Variants in MCTP1 observed in about 807,000 individuals in gnomAD.
MCTP1 encodes multiple C2 and transmembrane domain containing 1.
A neutral mutation model predicts 120.6 loss-of-function variants in MCTP1; 69 were observed. The observed-to-expected ratio is 0.57, with a 90% CI of 0.47 to 0.70. MCTP1 has a LOEUF of 0.70. MCTP1 is among the 30% of genes least tolerant of loss of function. MCTP1 has a pLI of 0.00. For synonymous variants in MCTP1, 529 were observed against 493.1 expected (o/e 1.07, Z -0.96); for missense variants, 1,203 against 1,248.8 (o/e 0.96, Z 0.55).
chr5:94,893,047 T>C (rs772095197), intron 11 of MCTP1, among the ~76,000 whole-genome samples: 3 of 152,204 alleles, frequency 2.0e-5, no homozygotes, highest in African/African-American at 7.2e-5. Context: ...TATTTAAACA[T>C]AGTTCATTTT....
At chr5:94,804,501 C>T (rs768255709) in intron 17 of MCTP1, among the ~76,000 whole-genome samples, 4 of 151,988 alleles carry the variant, frequency 2.6e-5, no homozygotes, top group Non-Finnish European at 4.4e-5. Flanking sequence ...TGCAGTGGCG[C>T]GATGTCGGCT....
At chr5:94,862,437 C>G (rs1275211522) in intron 17 of MCTP1, among the ~76,000 whole-genome samples, 8 of 151,804 alleles carry the variant, frequency 5.3e-5, no homozygotes, top group Non-Finnish European at 1.2e-4. Flanking sequence ...GAATGAAGCA[C>G]TGATTTGAGC....
At chr5:95,236,021 G>A (rs994441049) in intron 1 of MCTP1, among the ~76,000 whole-genome samples, 1 of 152,170 alleles carries the variant, frequency 6.6e-6, no homozygotes, top group Non-Finnish European at 1.5e-5. Context: ...GGATCTGTAT[G>A]TTTAACAAGC....
At chr5:94,940,964 T>C (rs1434061274) in intron 4 of MCTP1, among the ~76,000 whole-genome samples, 1 of 151,868 alleles carries the variant, frequency 6.6e-6, no homozygotes, top group African/African-American at 2.4e-5. Context: ...ATTAGATGTT[T>C]ATGTGGTTTT....
intron 2 of MCTP1, among the ~76,000 whole-genome samples, chr5:94,954,183 C>CATATATATACATGTATATATATGCATAT (rs1821905682): frequency 3.1e-4 from 18 of 57,764 alleles, no homozygotes; most frequent in South Asian, 1.6e-3. Flanking sequence ...TATATATATG[C>CATATATATACATGTATATATATGCATAT]ATATATATAT....
intron 1 of MCTP1, among the ~76,000 whole-genome samples, chr5:95,175,668 G>T (rs1015421254): frequency 6.6e-6 from 1 of 152,128 alleles, no homozygotes; most frequent in Non-Finnish European, 1.5e-5. Context: ...CTTATGGGTA[G>T]GTCCAGATTT....
chr5:94,827,914 C>T (rs113649729), intron 17 of MCTP1, among the ~76,000 whole-genome samples: 3 of 152,102 alleles, frequency 2.0e-5, no homozygotes, highest in African/African-American at 4.8e-5. Flanking sequence ...TTAGAACATG[C>T]TCCTTTAGTT....
intron 5 of MCTP1, among the ~76,000 whole-genome samples, chr5:94,932,698 A>C (rs1815110832): frequency 6.6e-6 from 1 of 151,968 alleles, no homozygotes; most frequent in African/African-American, 2.4e-5. Context: ...TTCACTTTAA[A>C]AAATTTCTCA....
chr5:94,759,231 T>A (rs540993093), intron 19 of MCTP1, among the ~76,000 whole-genome samples: 1 of 152,244 alleles, frequency 6.6e-6, no homozygotes, highest in South Asian at 2.1e-4. Context: ...ATTCCATTAA[T>A]TCCCGAGAAA....
rs528279477 is a variant in MCTP1, at chr5:95,072,054, T to G, written c.721-54570A>C. 1.0e-4 allele frequency among the ~76,000 whole-genome samples: 15 copies of G among 150,460 alleles called. No homozygotes were observed. In the South Asian group the frequency reaches 3.2e-3, roughly 32 times the overall value. ...TTTCTTAACTATTAGATTTCTCAGATTCTAATATGAAACAATGCCAATTTT... is the reference window on the plus strand; with the variant it reads ...TTTCTTAACTATTAGATTTCTCAGAGTCTAATATGAAACAATGCCAATTTT... On this transcript the variant is annotated intron_variant, in intron 1 of 22. Coordinates refer to ENST00000515393, the MANE Select transcript of MCTP1 (RefSeq NM_024717.7).
At chr5:95,127,689 C>T (rs765701719) in intron 1 of MCTP1, among the ~76,000 whole-genome samples, 9 of 152,114 alleles carry the variant, frequency 5.9e-5, no homozygotes, top group South Asian at 2.1e-4. Context: ...AAACATCCAA[C>T]GAGAGTGAGT....
chr5:95,141,943 A>G (rs1488764328), intron 1 of MCTP1, among the ~76,000 whole-genome samples: 1 of 152,196 alleles, frequency 6.6e-6, no homozygotes, highest in Non-Finnish European at 1.5e-5. Flanking sequence ...TTTACTTACT[A>G]CCAGTTTCCA....
intron 19 of MCTP1, among the ~76,000 whole-genome samples, chr5:94,716,493 T>TCGTCTGCC (rs1297882577): frequency 6.6e-6 from 1 of 152,204 alleles, no homozygotes; most frequent in Non-Finnish European, 1.5e-5. Context: ...ACTGCAAAGT[T>TCGTCTGCC]CGTCTGCCCC....
intron 12 of MCTP1, among the ~76,000 whole-genome samples, chr5:94,876,423 G>A (rs752837639): frequency 1.2e-4 from 19 of 152,060 alleles, no homozygotes; most frequent in Non-Finnish European, 2.6e-4. Context: ...CCAGACAGTG[G>A]TATAAAGAAG....
rs78687844 is a variant in MCTP1 at position 94,903,411 on chromosome 5, G to T, written c.1652+5840C>A. Among the ~76,000 whole-genome samples, 648 of 152,220 alleles carry T rather than the reference G, an allele frequency of 4.3e-3. 7 individuals are homozygous for T. Among genetic ancestry groups the T allele is most frequent in the African/African-American group, 0.015 (605 of 41,550 alleles). ...AGTTTGGTTTTTATCCAAAGTCAAA[G>T]GCTATTTTCCTCATTTGCCACATGA... On this transcript the variant is annotated intron_variant, in intron 10 of 22. Coordinates refer to ENST00000515393, the MANE Select transcript of MCTP1 (RefSeq NM_024717.7).
chr5:95,265,709 G>A (rs914157361), intron 1 of MCTP1, among the ~76,000 whole-genome samples: 2 of 152,200 alleles, frequency 1.3e-5, no homozygotes, highest in African/African-American at 4.8e-5. Flanking sequence ...TTACTTAAAA[G>A]TGGAATGTCT....
intron 1 of MCTP1, among the ~76,000 whole-genome samples, chr5:95,018,117 G>A (rs1422978071): frequency 6.6e-6 from 1 of 152,042 alleles, no homozygotes; most frequent in East Asian, 1.9e-4. Context: ...AAATGTTTGT[G>A]AGCCTGCCTC....
At chr5:95,030,194 A>G (rs764018170) in intron 1 of MCTP1, among the ~76,000 whole-genome samples, 1 of 152,196 alleles carries the variant, frequency 6.6e-6, no homozygotes, top group African/African-American at 2.4e-5. Context: ...GAAGCAGATC[A>G]CATACCTGTT....
chr5:95,046,766 T>C (rs1744651387), intron 1 of MCTP1, among the ~76,000 whole-genome samples: 1 of 152,144 alleles, frequency 6.6e-6, no homozygotes, highest in Non-Finnish European at 1.5e-5. Flanking sequence ...ACCTCTATAC[T>C]TGTCTGACTG....
Sources: allele counts gnomAD v4.1 joint callset (sites outside exome capture counted in the v4.1 genomes callset), GRCh38; gene constraint gnomAD v4.1.1; transcripts MANE v1.5; gene names NCBI Gene and HGNC (gene_info 2026-07-23, HGNC 2026-07-21).